SYNDIG1L: variants seen among roughly 807,000 people sequenced by gnomAD.
SYNDIG1L encodes synapse differentiation-inducing gene protein 1-like.
A neutral mutation model predicts 20.1 loss-of-function variants in SYNDIG1L; 13 were observed. The ratio of observed to expected loss-of-function variants is 0.65; its 90% CI spans 0.42 to 1.03. SYNDIG1L has a LOEUF of 1.03. SYNDIG1L is among the 50% of genes least tolerant of loss of function. The pLI is 0.00. For missense variants in SYNDIG1L, 294 were observed against 305.1 expected (o/e 0.96, Z 0.27); for synonymous variants, 128 against 129.3 (o/e 0.99, Z 0.07).
At chr14:74,462,273 C>G in the SYNDIG1L span, among the ~76,000 whole-genome samples, 1 of 151,740 alleles carries the variant, frequency 6.6e-6, no homozygotes, top group Non-Finnish European at 1.5e-5. Flanking sequence ...CACCTGAGGT[C>G]AGGAGTTCGA....
intron 1 of SYNDIG1L, among the ~76,000 whole-genome samples, chr14:74,413,776 TCACACACACA>T (rs3047686): frequency 1.3e-5 from 2 of 150,038 alleles, no homozygotes; most frequent in African/African-American, 4.9e-5. Flanking sequence ...ACATATACAC[TCACACACACA>T]CACACACACA....
At chr14:74,469,617 G>C in the SYNDIG1L span, among the ~76,000 whole-genome samples, 1 of 152,224 alleles carries the variant, frequency 6.6e-6, no homozygotes, top group Non-Finnish European at 1.5e-5. Context: ...GAGGTGCAGA[G>C]GTCATCACCT....
At chr14:74,411,036 G>A (rs1420990754) in intron 1 of SYNDIG1L, among the ~76,000 whole-genome samples, 1 of 152,194 alleles carries the variant, frequency 6.6e-6, no homozygotes, top group African/African-American at 2.4e-5. Flanking sequence ...GGTGCAAGTG[G>A]GGTATGGAGA....
At chr14:74,432,647 G>C in the SYNDIG1L span, among the ~76,000 whole-genome samples, 1 of 152,170 alleles carries the variant, frequency 6.6e-6, no homozygotes, top group Non-Finnish European at 1.5e-5. Context: ...CTTGAGGTCA[G>C]GAGTTCGAGA....
At chr14:74,412,218 G>T (rs967265147) in intron 1 of SYNDIG1L, among the ~76,000 whole-genome samples, 2 of 152,216 alleles carry the variant, frequency 1.3e-5, no homozygotes, top group Non-Finnish European at 2.9e-5. Flanking sequence ...CAGAGGCCTT[G>T]CTGGGCTGGG....
the SYNDIG1L span, among the ~76,000 whole-genome samples, chr14:74,445,195 C>G: frequency 0.55 from 84,035 of 151,902 alleles, 23,857 homozygotes; most frequent in African/African-American, 0.69. Flanking sequence ...GTGATATGTG[C>G]GATTCTCTTC....
chr14:74,410,275 A>C (rs1271600468), intron 1 of SYNDIG1L, among the ~76,000 whole-genome samples: 1 of 152,194 alleles, frequency 6.6e-6, no homozygotes, highest in Non-Finnish European at 1.5e-5. Context: ...GGAAGGCCTT[A>C]GAGCTGAGAT....
In SYNDIG1L at chr14:74,407,142, CT is replaced by C; in HGVS notation, c.*392del. The C allele has an allele frequency of 4.1e-6, 1 of 242,248 alleles. No individual in the cohort carries two copies. The highest frequency in any genetic ancestry group is 8.1e-6 in the Non-Finnish European group (1 of 123,646). The allele number at this position is 242,248 out of a possible 1,614,324, so 15.0% of individuals were successfully genotyped here. ...GGTCCCCTTGTGCTCTGGGCACCCC[CT>C]TTTCTCCCTGTAACCTCCTGCTCTT... On this transcript the variant is annotated 3_prime_UTR_variant, in exon 4 of 4. Coordinates refer to ENST00000331628, the MANE Select transcript of SYNDIG1L (RefSeq NM_001105579.2).
the SYNDIG1L span, among the ~76,000 whole-genome samples, chr14:74,456,095 C>T: frequency 1.3e-5 from 2 of 152,198 alleles, no homozygotes; most frequent in Non-Finnish European, 2.9e-5. Context: ...CTCTCTTCAC[C>T]AGATTGAGCC....
At chr14:74,458,052 G>A in the SYNDIG1L span, among the ~76,000 whole-genome samples, 2 of 151,900 alleles carry the variant, frequency 1.3e-5, no homozygotes, top group African/African-American at 4.8e-5. Context: ...CTCCCGCCTC[G>A]ACCTCCCAAA....
chr14:74,457,709 C>G, the SYNDIG1L span, among the ~76,000 whole-genome samples: 2 of 152,018 alleles, frequency 1.3e-5, no homozygotes, highest in Non-Finnish European at 2.9e-5. Context: ...GCCATACGCT[C>G]CATTTCCCCT....
At chr14:74,414,243 C>T (rs147700998) in intron 1 of SYNDIG1L, among the ~76,000 whole-genome samples, 19 of 152,304 alleles carry the variant, frequency 1.2e-4, no homozygotes, top group South Asian at 4.1e-4. Context: ...TATGCATGCA[C>T]GCACACGTGT....
chr14:74,420,845 A>T (rs2086215374), intron 1 of SYNDIG1L, among the ~76,000 whole-genome samples: 1 of 152,196 alleles, frequency 6.6e-6, no homozygotes, highest in African/African-American at 2.4e-5. Flanking sequence ...GTGTAGAGAA[A>T]CCTGTAGCCC....
chr14:74,435,013 A>G, the SYNDIG1L span, among the ~76,000 whole-genome samples: 9 of 144,930 alleles, frequency 6.2e-5, no homozygotes, highest in African/African-American at 1.8e-4. Context: ...AACCCAGGAG[A>G]CGGAGCTTGC....
chr14:74,418,580 G>T (rs1197459921), intron 1 of SYNDIG1L, among the ~76,000 whole-genome samples: 1 of 152,120 alleles, frequency 6.6e-6, no homozygotes, highest in African/African-American at 2.4e-5. Context: ...CCTAATCTGG[G>T]TGGGCTTGCA....
chr14:74,421,362 C>G (rs1385878036), intron 1 of SYNDIG1L, among the ~76,000 whole-genome samples: 1 of 151,894 alleles, frequency 6.6e-6, no homozygotes, highest in African/African-American at 2.4e-5. Context: ...AAGACAGAAA[C>G]ATGGAAAAGG....
the SYNDIG1L span, among the ~76,000 whole-genome samples, chr14:74,478,358 G>A: frequency 2.6e-5 from 4 of 152,108 alleles, no homozygotes; most frequent in African/African-American, 9.7e-5. Context: ...TTAAAACATT[G>A]TTTCAAATTT....
chr14:74,430,975 TAGTC>T (rs987102841), upstream of SYNDIG1L, among the ~76,000 whole-genome samples: 1 of 152,080 alleles, frequency 6.6e-6, no homozygotes, highest in South Asian at 2.1e-4. Context: ...TTGGAAAAAA[TAGTC>T]AGAGATCAAT....
chr14:74,409,237 C>T (rs1219096796), intron 2 of SYNDIG1L, 91 bp downstream of exon 2: 2 of 1,009,106 alleles, frequency 2.0e-6, no homozygotes, highest in Non-Finnish European at 1.4e-6. Context: ...TGCCACCACG[C>T]CAGGCTAATT....
Sources: gnomAD v4.1 joint callset for allele counts (sites outside exome capture counted in the v4.1 genomes callset) on GRCh38, gnomAD v4.1.1 for gene constraint, MANE v1.5 for transcripts, NCBI Gene and HGNC (gene_info 2026-07-23, HGNC 2026-07-21) for gene names.